The following C1QTNF3 variants were observed in gnomAD, a reference collection of about 807,000 sequenced individuals.
The protein encoded by C1QTNF3 is C1q and TNF related 3, also known as complement C1q tumor necrosis factor-related protein 3.
Under a neutral mutation model 32.6 loss-of-function variants are expected in C1QTNF3, and 26 were observed. The observed-to-expected ratio is 0.80, with a 90% CI of 0.58 to 1.11. The LOEUF is 1.11. Among genes scored for constraint, C1QTNF3 ranks in the 50% least tolerant of loss-of-function variants. C1QTNF3 has a pLI of 0.00. For missense variants in C1QTNF3, 362 were observed against 398.2 expected, an observed-to-expected ratio of 0.91 and a Z score of 0.77; for synonymous variants, 155 against 146.0, an observed-to-expected ratio of 1.06 and a Z score of -0.44.
chr5:34,121,958 T>C, the C1QTNF3 span, among the ~76,000 whole-genome samples: 4 of 152,202 alleles, frequency 2.6e-5, no homozygotes, highest in African/African-American at 4.8e-5. Flanking sequence ...CCTCACCAGA[T>C]ACCTAATCTG....
chr5:34,056,890 T>C, the C1QTNF3 span, among the ~76,000 whole-genome samples: 4 of 151,796 alleles, frequency 2.6e-5, no homozygotes, highest in South Asian at 4.2e-4. Context: ...ACAGGAAAAA[T>C]AACAAGAAAA....
the C1QTNF3 span, among the ~76,000 whole-genome samples, chr5:34,062,870 T>G: frequency 1.3e-5 from 2 of 152,240 alleles, no homozygotes; most frequent in East Asian, 3.8e-4. Flanking sequence ...CCTTTCTGCT[T>G]TTTTGACTTA....
At chr5:34,230,908 C>T in the C1QTNF3 span, among the ~76,000 whole-genome samples, 1 of 152,054 alleles carries the variant, frequency 6.6e-6, no homozygotes, top group African/African-American at 2.4e-5. Context: ...GTATTTAGGT[C>T]TATTTTTTGG....
At chr5:34,049,904 T>G in the C1QTNF3 span, among the ~76,000 whole-genome samples, 1 of 152,204 alleles carries the variant, frequency 6.6e-6, no homozygotes, top group Non-Finnish European at 1.5e-5. Context: ...AGTCTACTGA[T>G]TTAAATATTA....
chr5:34,120,605 G>C, the C1QTNF3 span, among the ~76,000 whole-genome samples: 151 of 152,256 alleles, frequency 9.9e-4, no homozygotes, highest in Middle Eastern at 0.01. Context: ...GAATCATAGG[G>C]GTGGGTCTTT....
At chr5:34,071,956 T>C in the C1QTNF3 span, among the ~76,000 whole-genome samples, 5 of 151,874 alleles carry the variant, frequency 3.3e-5, no homozygotes, top group Non-Finnish European at 7.4e-5. Flanking sequence ...GTAGATTCTC[T>C]ACTTTCCATT....
At chr5:34,052,125 A>G in the C1QTNF3 span, among the ~76,000 whole-genome samples, 1 of 152,182 alleles carries the variant, frequency 6.6e-6, no homozygotes, top group Non-Finnish European at 1.5e-5. Context: ...GTGACAGAGC[A>G]AGACCGCGTC....
chr5:34,117,314 T>C, the C1QTNF3 span, among the ~76,000 whole-genome samples: 1 of 152,214 alleles, frequency 6.6e-6, no homozygotes, highest in South Asian at 2.1e-4. Flanking sequence ...ATATGAATAT[T>C]AACTTCCATA....
At chr5:34,108,782 A>G in the C1QTNF3 span, among the ~76,000 whole-genome samples, 1 of 148,480 alleles carries the variant, frequency 6.7e-6, no homozygotes, top group African/African-American at 2.5e-5. Context: ...AACAATAATA[A>G]AAAAGTCAGG....
At chr5:34,176,010 G>A in the C1QTNF3 span, 5 of 700,302 alleles carry the variant, frequency 7.1e-6, no homozygotes, top group South Asian at 4.8e-5. Flanking sequence ...GTAAATGTTA[G>A]ATAAAAATAA....
chr5:34,209,183 C>T, the C1QTNF3 span, among the ~76,000 whole-genome samples: 1 of 152,124 alleles, frequency 6.6e-6, no homozygotes, highest in Admixed American at 6.5e-5. Context: ...TGTAATCCAG[C>T]ATTTTTCCGA....
At chr5:34,056,475 TATATAGAGAGAGAG>T in the C1QTNF3 span, among the ~76,000 whole-genome samples, 33 of 101,274 alleles carry the variant, frequency 3.3e-4, no homozygotes, top group African/African-American at 7.1e-4. Flanking sequence ...TATATATATA[TATATAGAGAGAGAG>T]AGAGAGAGAG....
At chr5:34,147,583 A>G in the C1QTNF3 span, among the ~76,000 whole-genome samples, 2 of 152,238 alleles carry the variant, frequency 1.3e-5, no homozygotes, top group East Asian at 3.9e-4. Context: ...CAAATATGGC[A>G]TGTCCTCACT....
At chr5:34,089,231 G>A in the C1QTNF3 span, among the ~76,000 whole-genome samples, 1 of 152,160 alleles carries the variant, frequency 6.6e-6, no homozygotes, top group African/African-American at 2.4e-5. Context: ...TGGCAATCTA[G>A]ATGCAAATGT....
the C1QTNF3 span, among the ~76,000 whole-genome samples, chr5:34,128,702 G>A: frequency 6.6e-6 from 1 of 152,172 alleles, no homozygotes; most frequent in African/African-American, 2.4e-5. Context: ...TAGCCCCTTT[G>A]TTTTGACCAA....
At chr5:34,087,570 C>CTTTTTTTTTTTTT in the C1QTNF3 span, among the ~76,000 whole-genome samples, 1 of 70,024 alleles carries the variant, frequency 1.4e-5, no homozygotes, top group African/African-American at 5.8e-5. Flanking sequence ...ACGCTTTTGT[C>CTTTTTTTTTTTTT]TTTTTTTTTT....
chr5:34,141,629 C>T, the C1QTNF3 span, among the ~76,000 whole-genome samples: 5 of 151,462 alleles, frequency 3.3e-5, no homozygotes, highest in African/African-American at 1.2e-4. Context: ...AGGAGTCAGA[C>T]AAAAAAAGAC....
At chr5:34,195,743 C>T in the C1QTNF3 span, among the ~76,000 whole-genome samples, 2 of 152,160 alleles carry the variant, frequency 1.3e-5, no homozygotes, top group Admixed American at 6.5e-5. Context: ...AGGAGGCTGA[C>T]GCAGGAGAAT....
the C1QTNF3 span, among the ~76,000 whole-genome samples, chr5:34,211,379 T>C: frequency 6.6e-6 from 1 of 152,116 alleles, no homozygotes; most frequent in Non-Finnish European, 1.5e-5. Context: ...GCTTGATACC[T>C]GAATGTGTGT....
Sources: gnomAD v4.1 joint callset for allele counts (sites outside exome capture counted in the v4.1 genomes callset) on GRCh38, gnomAD v4.1.1 for gene constraint, MANE v1.5 for transcripts, NCBI Gene and HGNC (gene_info 2026-07-23, HGNC 2026-07-21) for gene names.